Variants in GALNT13 observed in about 807,000 individuals in gnomAD.
GALNT13 encodes UDP-GalNAc:polypeptide N-acetylgalactosaminyltransferase 13.
In GALNT13, 28 loss-of-function variants were observed where a neutral mutation model predicts 64.2. The observed-to-expected ratio is 0.44, with a 90% CI of 0.32 to 0.60. The LOEUF (loss-of-function observed/expected upper bound fraction) is 0.60. GALNT13 is among the 20% of genes least tolerant of loss of function. The pLI is 0.05. For synonymous variants in GALNT13, 214 were observed against 224.6 expected (o/e 0.95, Z 0.42); for missense variants, 577 against 669.8 (o/e 0.86, Z 1.53).
chr2:153,158,312 C>CT, the GALNT13 span, among the ~76,000 whole-genome samples: 4 of 151,924 alleles, frequency 2.6e-5, no homozygotes, highest in Non-Finnish European at 5.9e-5. Flanking sequence ...ATCTCTAAGG[C>CT]TATGAAGTAA....
chr2:154,399,156 G>A (rs921802666), intron 10 of GALNT13, among the ~76,000 whole-genome samples: 1 of 152,062 alleles, frequency 6.6e-6, no homozygotes, highest in Non-Finnish European at 1.5e-5. Flanking sequence ...GTTGGCAGGT[G>A]CCCATGGTCA....
At chr2:154,356,007 G>T (rs375761640) in intron 9 of GALNT13, among the ~76,000 whole-genome samples, 3 of 151,888 alleles carry the variant, frequency 2.0e-5, no homozygotes, top group East Asian at 1.9e-4. Flanking sequence ...ATATTAAAAT[G>T]GTTTCAAACA....
chr2:153,317,569 C>T, the GALNT13 span, among the ~76,000 whole-genome samples: 13 of 151,760 alleles, frequency 8.6e-5, no homozygotes, highest in African/African-American at 3.1e-4. Context: ...ATTGATAAAA[C>T]TTTTCTTATT....
chr2:153,584,240 T>C, the GALNT13 span, among the ~76,000 whole-genome samples: 75,669 of 151,958 alleles, frequency 0.5, 20,186 homozygotes, highest in African/African-American at 0.69. Flanking sequence ...AAGACTGGTG[T>C]ATGCATCCAT....
At chr2:153,787,129 T>C in the GALNT13 span, among the ~76,000 whole-genome samples, 1 of 152,046 alleles carries the variant, frequency 6.6e-6, no homozygotes, top group Admixed American at 6.5e-5. Context: ...ACCAGAGATA[T>C]GATGGGAAGC....
At chr2:153,076,660 G>C in the GALNT13 span, among the ~76,000 whole-genome samples, 1 of 135,144 alleles carries the variant, frequency 7.4e-6, no homozygotes, top group South Asian at 2.6e-4. Context: ...TAACTCTAAT[G>C]ATCACAATGG....
In GALNT13 at chr2:154,353,413, C is replaced by T. The variant is rs187692857; in HGVS notation, c.1157-42578C>T. 2.5e-3 allele frequency among the ~76,000 whole-genome samples: 381 copies of T among 152,154 alleles called. 2 individuals are homozygous for T. Among genetic ancestry groups the T allele is most frequent in the Middle Eastern group, 0.014 (4 of 294 alleles). Reference sequence around the variant, plus strand: ...ACATATCCATCACCTCACATAGTTACGTGTGTGTGGTGTGACAGGAGCAGC... The same window carrying T: ...ACATATCCATCACCTCACATAGTTATGTGTGTGTGGTGTGACAGGAGCAGC... On this transcript the variant is annotated intron_variant, in intron 9 of 12. Transcript: ENST00000392825.
chr2:154,109,966 A>G (rs1344859138), intron 3 of GALNT13, among the ~76,000 whole-genome samples: 1 of 152,004 alleles, frequency 6.6e-6, no homozygotes, highest in Non-Finnish European at 1.5e-5. Flanking sequence ...TGGCTTTAGT[A>G]GCAGACAGTT....
At chr2:153,608,839 TA>T in the GALNT13 span, among the ~76,000 whole-genome samples, 10 of 147,606 alleles carry the variant, frequency 6.8e-5, no homozygotes, top group Admixed American at 1.4e-4. Flanking sequence ...AAATATATAT[TA>T]AAAATATTTT....
chr2:154,338,631 T>C (rs759920346), intron 9 of GALNT13, among the ~76,000 whole-genome samples: 2 of 152,046 alleles, frequency 1.3e-5, no homozygotes, highest in Non-Finnish European at 2.9e-5. Flanking sequence ...AGAGCCCCTA[T>C]TGTGGTTTCC....
the GALNT13 span, among the ~76,000 whole-genome samples, chr2:153,466,444 C>G: frequency 9.8e-6 from 1 of 102,108 alleles, no homozygotes; most frequent in Admixed American, 8.9e-5. Flanking sequence ...TCCTTGCTTT[C>G]TAGTTGTTTT....
At chr2:153,189,195 C>G in the GALNT13 span, among the ~76,000 whole-genome samples, 3 of 151,982 alleles carry the variant, frequency 2.0e-5, no homozygotes, top group African/African-American at 7.2e-5. Context: ...GGATTTTCAC[C>G]CACCTTTCTT....
chr2:153,302,834 T>C, the GALNT13 span, among the ~76,000 whole-genome samples: 4 of 152,348 alleles, frequency 2.6e-5, no homozygotes, highest in Admixed American at 2.6e-4. Context: ...GGTTCCTTTG[T>C]AGAAAGTCAA....
chr2:154,347,961 G>T (rs774880846), intron 9 of GALNT13, among the ~76,000 whole-genome samples: 1 of 152,226 alleles, frequency 6.6e-6, no homozygotes, highest in African/African-American at 2.4e-5. Flanking sequence ...CTTATCAGAA[G>T]TGTTTTTAAA....
the GALNT13 span, among the ~76,000 whole-genome samples, chr2:153,863,488 T>C: frequency 6.6e-6 from 1 of 152,062 alleles, no homozygotes; most frequent in Non-Finnish European, 1.5e-5. Context: ...AAACAACTAA[T>C]TAAGACACAC....
chr2:153,688,991 GGTGTGTGTGTGTGT>G, the GALNT13 span, among the ~76,000 whole-genome samples: 1,368 of 130,212 alleles, frequency 0.011, 7 homozygotes, highest in African/African-American at 0.028. Flanking sequence ...TAGAGGTAGG[GGTGTGTGTGTGTGT>G]GTGTGTGTGT....
chr2:154,229,534 G>T (rs1688805005), intron 4 of GALNT13, among the ~76,000 whole-genome samples: 1 of 151,942 alleles, frequency 6.6e-6, no homozygotes, highest in African/African-American at 2.4e-5. Flanking sequence ...GAGTTTAATT[G>T]CCCAATATCC....
At chr2:154,391,631 C>T (rs1421251001) in intron 9 of GALNT13, among the ~76,000 whole-genome samples, 1 of 152,186 alleles carries the variant, frequency 6.6e-6, no homozygotes, top group Non-Finnish European at 1.5e-5. Flanking sequence ...TGCAAAACAA[C>T]AGCTATCCAA....
At chr2:154,386,201 A>AG (rs1027217789) in intron 9 of GALNT13, among the ~76,000 whole-genome samples, 1 of 152,070 alleles carries the variant, frequency 6.6e-6, no homozygotes, top group African/African-American at 2.4e-5. Context: ...GATGCAGCTG[A>AG]GGAGATGGGA....
Sources: allele counts gnomAD v4.1 joint callset (sites outside exome capture counted in the v4.1 genomes callset), GRCh38; gene constraint gnomAD v4.1.1; transcripts MANE v1.5; gene names NCBI Gene and HGNC (gene_info 2026-07-23, HGNC 2026-07-21).